The following ERC1 variants were observed in gnomAD, a reference collection of about 807,000 sequenced individuals.
ERC1 encodes the protein RAB6 interacting protein 2.
ERC1 carries 56 observed loss-of-function variants against 132.0 expected under a neutral mutation model. The ratio of observed to expected loss-of-function variants is 0.42; its 90% CI spans 0.34 to 0.53. The LOEUF is 0.53. ERC1 is among the 20% of genes least tolerant of loss of function. The pLI is 0.03. For synonymous variants in ERC1, 478 were observed against 476.1 expected, an observed-to-expected ratio of 1.00 and a Z score of -0.05; for missense variants, 1,202 against 1,349.9, an observed-to-expected ratio of 0.89 and a Z score of 1.72.
chr12:1,027,984 C>T lies in ERC1; in HGVS notation c.81C>T (p.Ser27=), dbSNP rs746820047. 2.5e-6 allele frequency: 4 copies of T among 1,614,148 alleles called. No individual in the cohort carries two copies. Among genetic ancestry groups the T allele is most frequent in the East Asian group, 4.5e-5 (2 of 44,882 alleles). ...SPGRSPRLPR[S]PRLGHRRTNS... ...GGCGTTCACCCAGGCTTCCACGTTC[C>T]CCTCGCTTGGGTCACCGTCGAACCA... The change falls in exon 2 of 19, where the codon TCC becomes TCT. Residue 27 remains serine (S), a synonymous_variant. Coordinates refer to ENST00000360905, the MANE Select transcript of ERC1 (RefSeq NM_178040.4).
intron 8 of ERC1, among the ~76,000 whole-genome samples, chr12:1,145,180 C>T (rs562834668): frequency 9.2e-5 from 14 of 151,992 alleles, no homozygotes; most frequent in Non-Finnish European, 1.8e-4. Flanking sequence ...CCACGCCCCA[C>T]TAATTTTTGC....
Position 992,427 on chromosome 12 carries a change from C to T in ERC1, c.-157+1105C>T, listed in dbSNP as rs117447426. Among the ~76,000 whole-genome samples the T allele has an allele frequency of 3.4e-3, 513 of 152,256 alleles. 2 individuals carry two copies. Among genetic ancestry groups the T allele is most frequent in the Middle Eastern group, 6.8e-3 (2 of 294 alleles). ...ATAGCGTGTTGCTTGCTCAGTACACCTTGACTTTTAGACATTTTGTGTTCA... is the reference window on the plus strand; with the variant it reads ...ATAGCGTGTTGCTTGCTCAGTACACTTTGACTTTTAGACATTTTGTGTTCA... On this transcript the variant is annotated intron_variant, in intron 1 of 18. Transcript: ENST00000360905.
At chr12:1,418,616 T>TC (rs1491121926) in intron 17 of ERC1, among the ~76,000 whole-genome samples, 7 of 118,384 alleles carry the variant, frequency 5.9e-5, no homozygotes, top group African/African-American at 3.6e-4. Flanking sequence ...TCTTTCTTTC[T>TC]TTCTTTCTTT....
chr12:1,039,816 A>C (rs555632218), intron 2 of ERC1, among the ~76,000 whole-genome samples: 2 of 152,210 alleles, frequency 1.3e-5, no homozygotes. Flanking sequence ...TCACTTTTCT[A>C]GTTAATTCAG....
At chr12:1,258,290 A>G (rs746521635) in intron 13 of ERC1, among the ~76,000 whole-genome samples, 1 of 152,200 alleles carries the variant, frequency 6.6e-6, no homozygotes, top group Non-Finnish European at 1.5e-5. Flanking sequence ...TTTCTTCAGC[A>G]TTACAGACTC....
At chr12:1,412,661 T>C (rs895901227) in intron 17 of ERC1, among the ~76,000 whole-genome samples, 1 of 152,172 alleles carries the variant, frequency 6.6e-6, no homozygotes, top group African/African-American at 2.4e-5. Flanking sequence ...TCTAGACCTC[T>C]CCACCTGCCC....
At chr12:996,974 G>A (rs1292863341) in intron 1 of ERC1, among the ~76,000 whole-genome samples, 1 of 152,138 alleles carries the variant, frequency 6.6e-6, no homozygotes, top group Non-Finnish European at 1.5e-5. Context: ...TCTGAAATGC[G>A]ATGGTGCGGT....
chr12:1,467,712 C>G (rs1214644080), intron 18 of ERC1, among the ~76,000 whole-genome samples: 2 of 152,140 alleles, frequency 1.3e-5, no homozygotes, highest in East Asian at 1.9e-4. Context: ...AATAATTATA[C>G]AATTCACCAT....
At chr12:1,357,481 C>A (rs899005294) in intron 15 of ERC1, among the ~76,000 whole-genome samples, 1 of 152,178 alleles carries the variant, frequency 6.6e-6, no homozygotes, top group African/African-American at 2.4e-5. Flanking sequence ...TCTAAATAAG[C>A]AGAAGCATTC....
intron 2 of ERC1, among the ~76,000 whole-genome samples, chr12:1,066,131 G>A (rs899936013): frequency 3.9e-5 from 6 of 152,130 alleles, no homozygotes; most frequent in Non-Finnish European, 8.8e-5. Context: ...AAATGTTACT[G>A]AATTGTTCAC....
intron 17 of ERC1, chr12:1,443,954 G>T (rs2093233187): frequency 6.6e-6 from 1 of 152,276 alleles, no homozygotes; most frequent in Admixed American, 6.5e-5. Context: ...GGATTTATCA[G>T]TCACTGGTTC....
chr12:1,375,911 T>G (rs2087853454), intron 16 of ERC1, among the ~76,000 whole-genome samples: 1 of 152,062 alleles, frequency 6.6e-6, no homozygotes, highest in South Asian at 2.1e-4. Context: ...TAATTTTTTG[T>G]ATTTTTAGTA....
chr12:1,277,402 T>G (rs1052091158), intron 14 of ERC1, among the ~76,000 whole-genome samples: 2 of 152,226 alleles, frequency 1.3e-5, no homozygotes, highest in Non-Finnish European at 2.9e-5. Context: ...ACATTAGGTT[T>G]TTCAAGATTT....
rs1353885806 is a variant in ERC1 at position 1,495,236 on chromosome 12, G to A, written c.*5006G>A. 8.7e-6 allele frequency: 2 copies of A among 230,548 alleles called. No individual in the cohort carries two copies. Among genetic ancestry groups the A allele is most frequent in the Non-Finnish European group, 1.7e-5 (2 of 116,382 alleles). 14.3% of individuals were successfully genotyped at this position (230,548 alleles called of 1,614,324 possible). A position where few individuals can be genotyped will look rare whatever the true frequency, so the allele number is the denominator to read the frequency against. On this transcript the variant is annotated 3_prime_UTR_variant, in exon 19 of 19. Coordinates refer to ENST00000360905, the MANE Select transcript of ERC1 (RefSeq NM_178040.4). ...ATCTCTTCCAGTGACCACCCAGCAC[G>A]GGTGAGCACTGGCCAGCCTGGAGCC... is the stretch of plus-strand genomic sequence containing the variant.
chr12:1,068,127 T>C (rs1241577232), intron 2 of ERC1, among the ~76,000 whole-genome samples: 2 of 151,894 alleles, frequency 1.3e-5, no homozygotes, highest in Non-Finnish European at 2.9e-5. Context: ...AGATGGGTTT[T>C]CTCCATCTTG....
At chr12:1,303,707 G>A (rs2080600941) in intron 15 of ERC1, among the ~76,000 whole-genome samples, 1 of 151,906 alleles carries the variant, frequency 6.6e-6, no homozygotes, top group Non-Finnish European at 1.5e-5. Context: ...TGTAATCCCA[G>A]CACTTTGGGA....
chr12:1,317,371 A>G (rs1187469024), intron 15 of ERC1, among the ~76,000 whole-genome samples: 3 of 151,696 alleles, frequency 2.0e-5, no homozygotes, highest in Non-Finnish European at 4.4e-5. Context: ...ACATGGACAC[A>G]GGGAGGGGAA....
At chr12:1,376,433 C>T (rs1439695422) in intron 16 of ERC1, among the ~76,000 whole-genome samples, 2 of 152,102 alleles carry the variant, frequency 1.3e-5, no homozygotes, top group South Asian at 2.1e-4. Context: ...TGGGTATCCC[C>T]GACTAGTATA....
At chr12:1,245,338 A>G (rs1277663361) in intron 13 of ERC1, among the ~76,000 whole-genome samples, 1 of 152,040 alleles carries the variant, frequency 6.6e-6, no homozygotes, top group Non-Finnish European at 1.5e-5. Context: ...TTAGTTTTGT[A>G]TATTTTGTAC....
Sources: gnomAD v4.1 joint callset for allele counts (sites outside exome capture counted in the v4.1 genomes callset) on GRCh38, gnomAD v4.1.1 for gene constraint, MANE v1.5 for transcripts, NCBI Gene and HGNC (gene_info 2026-07-23, HGNC 2026-07-21) for gene names.